The following PLCH1 variants were observed in gnomAD, a reference collection of about 807,000 sequenced individuals.
PLCH1 encodes the protein phospholipase C eta 1.
In PLCH1, 60 loss-of-function variants were observed where a neutral mutation model predicts 126.7. The ratio of observed to expected loss-of-function variants is 0.47; its 90% confidence interval spans 0.38 to 0.59. The LOEUF (loss-of-function observed/expected upper bound fraction) is 0.59, where lower values mean the gene tolerates loss of function less well. Ranked by LOEUF, PLCH1 falls within the 20% of genes least tolerant of loss-of-function variation. The probability of loss-of-function intolerance (pLI) is 0.00; values close to 1 mark genes in which losing one functional copy is unlikely to be tolerated. For missense variants in PLCH1, 1,723 were observed against 2,040.0 expected (o/e 0.84, Z 2.99); for synonymous variants, 719 against 734.9 (o/e 0.98, Z 0.35).
chr3:155,672,397 C>T (rs1362950396), intron 2 of PLCH1, among the ~76,000 whole-genome samples: 1 of 152,120 alleles, frequency 6.6e-6, no homozygotes, highest in African/African-American at 2.4e-5. Flanking sequence ...CTAAAGCACA[C>T]AACATTACAG....
chr3:155,578,097 C>T lies in PLCH1; in HGVS notation c.771+5375G>A, dbSNP rs574507157. 1.1e-4 allele frequency among the ~76,000 whole-genome samples: 16 copies of T among 152,248 alleles called. No individual in the cohort carries two copies. In the South Asian group the frequency reaches 2.9e-3, roughly 28 times the overall value. On this transcript the variant is annotated intron_variant, in intron 6 of 22. Transcript: ENST00000460012. Reference sequence around the variant, plus strand: ...TTGGACTCCTGGTCTAATGTTCTTTCCAGTACACTATGAGAGTTCTGCAAG... The same window carrying T: ...TTGGACTCCTGGTCTAATGTTCTTTTCAGTACACTATGAGAGTTCTGCAAG...
At chr3:155,637,039 A>C (rs1043938357) in intron 2 of PLCH1, among the ~76,000 whole-genome samples, 14 of 152,192 alleles carry the variant, frequency 9.2e-5, no homozygotes, top group African/African-American at 3.4e-4. Context: ...GAACAACAAC[A>C]AAACAGTCAT....
At chr3:155,529,035 T>C (rs1722319669) in intron 10 of PLCH1, among the ~76,000 whole-genome samples, 2 of 152,184 alleles carry the variant, frequency 1.3e-5, no homozygotes, top group African/African-American at 4.8e-5. Flanking sequence ...ATGGTGTTAC[T>C]CCAAAGGAAA....
At position 155,594,566 on chromosome 3, in the gene PLCH1, C is replaced by T. The variant is rs189606239; in HGVS notation, c.227-382G>A. 3.9e-5 allele frequency among the ~76,000 whole-genome samples: 6 copies of T among 152,140 alleles called. No homozygotes were observed. The East Asian group carries it at 1.2e-3, about 29-fold the overall frequency. Reference sequence around the variant, plus strand: ...ACAGCCTGGGTGACAGAGCAAGATTCCATCTCCAAAAAAAAATAAATAAGT... The same window carrying T: ...ACAGCCTGGGTGACAGAGCAAGATTTCATCTCCAAAAAAAAATAAATAAGT... On this transcript the variant is annotated intron_variant, in intron 3 of 22. Transcript: ENST00000460012.
intron 4 of PLCH1, 26 bp downstream of exon 4, chr3:155,593,915 T>C (rs1355461126): frequency 6.2e-7 from 1 of 1,610,764 alleles, no homozygotes; most frequent in Non-Finnish European, 8.5e-7. Flanking sequence ...AAGAGAGAGC[T>C]GAAAATAAAG....
At chr3:155,455,578 A>G (rs930067336) in intron 21 of PLCH1, among the ~76,000 whole-genome samples, 7 of 152,228 alleles carry the variant, frequency 4.6e-5, no homozygotes, top group African/African-American at 1.7e-4. Flanking sequence ...ATAACATGAA[A>G]GCATTTGAGA....
At chr3:155,608,642 A>G (rs545518237) in intron 2 of PLCH1, among the ~76,000 whole-genome samples, 1 of 152,108 alleles carries the variant, frequency 6.6e-6, no homozygotes, top group Non-Finnish European at 1.5e-5. Context: ...AGGCAGCCGT[A>G]ATTACTCTTG....
intron 21 of PLCH1, among the ~76,000 whole-genome samples, chr3:155,470,083 T>A (rs1011830645): frequency 1.6e-4 from 25 of 152,204 alleles, no homozygotes; most frequent in African/African-American, 6.0e-4. Context: ...GGAGAATGAC[T>A]TTGACGAGCT....
intron 2 of PLCH1, among the ~76,000 whole-genome samples, chr3:155,625,402 T>C (rs1325146324): frequency 6.6e-6 from 1 of 152,094 alleles, no homozygotes; most frequent in Non-Finnish European, 1.5e-5. Flanking sequence ...TGAGATCTAA[T>C]TAAACAAAAG....
chr3:155,688,021 T>C (rs1182629260), intron 2 of PLCH1, among the ~76,000 whole-genome samples: 1 of 152,352 alleles, frequency 6.6e-6, no homozygotes, highest in East Asian at 1.9e-4. Flanking sequence ...TGTTACATTA[T>C]TTGTAAAGTT....
intron 3 of PLCH1, among the ~76,000 whole-genome samples, chr3:155,594,718 T>A (rs1474120860): frequency 6.6e-6 from 1 of 152,126 alleles, no homozygotes; most frequent in Non-Finnish European, 1.5e-5. Context: ...CTTGACAACA[T>A]TCTCCTAAGG....
At position 155,722,233 on chromosome 3, in the gene PLCH1, G is replaced by A. The variant is rs539838815; in HGVS notation, c.-40-17969C>T. The stretch of plus-strand genomic sequence containing the variant: ...GGCTGGAGTGCAATGACGTGATCTC[G>A]GCTCACCGCAACCTCTGCCTCCCGG... On this transcript the variant is annotated intron_variant, in intron 1 of 22. Coordinates refer to ENST00000460012, the MANE Select transcript of PLCH1 (RefSeq NM_014996.4). Among the ~76,000 whole-genome samples, 385 of 151,668 alleles carry A rather than the reference G, an allele frequency of 2.5e-3. 3 individuals carry two copies. Among genetic ancestry groups the A allele is most frequent in the African/African-American group, 9.0e-3 (373 of 41,344 alleles).
chr3:155,527,174 T>C (rs1722063738), intron 10 of PLCH1, among the ~76,000 whole-genome samples: 1 of 152,214 alleles, frequency 6.6e-6, no homozygotes, highest in Non-Finnish European at 1.5e-5. Flanking sequence ...AAAGCAAACT[T>C]TGAGCTCCTC....
At position 155,482,245 on chromosome 3, in the gene PLCH1, GT is replaced by G; in HGVS notation, c.3780del (p.Lys1260AsnfsTer33). On this transcript the variant is annotated frameshift_variant, in exon 23 of 23. Coordinates refer to ENST00000460012, the MANE Select transcript of PLCH1 (RefSeq NM_014996.4). LOFTEE classifies it low-confidence loss of function (END_TRUNC). ...GTTTCATAAACTGTGTTCGTTGCAT[GT>G]TTGGTGGTCTCAGAACTCGAGAGTG... ...LIALSSSETTKHATNTVYETT... is the reference protein window; with the variant it reads ...LIALSSSETTXHATNTVYETT... 6.2e-7 allele frequency: 1 copy of G among 1,614,180 alleles called. No individual in the cohort carries two copies. The highest frequency in any genetic ancestry group is 8.5e-7 in the Non-Finnish European group (1 of 1,180,010).
chr3:155,700,951 A>G (rs1746227865), intron 2 of PLCH1, among the ~76,000 whole-genome samples: 2 of 152,216 alleles, frequency 1.3e-5, no homozygotes, highest in African/African-American at 4.8e-5. Context: ...AAGATCCCAG[A>G]GATTAGCTTC....
At chr3:155,678,536 A>C (rs925695713) in intron 2 of PLCH1, among the ~76,000 whole-genome samples, 1 of 152,210 alleles carries the variant, frequency 6.6e-6, no homozygotes, top group Admixed American at 6.5e-5. Flanking sequence ...CATTCAAAAG[A>C]ATCATAAAAC....
At chr3:155,519,275 G>A (rs974478870) in intron 11 of PLCH1, among the ~76,000 whole-genome samples, 1 of 152,118 alleles carries the variant, frequency 6.6e-6, no homozygotes, top group African/African-American at 2.4e-5. Flanking sequence ...TGGGCCAATG[G>A]GTGAGAAAGG....
chr3:155,651,470 G>C (rs1409556665), intron 2 of PLCH1, among the ~76,000 whole-genome samples: 2 of 152,146 alleles, frequency 1.3e-5, no homozygotes, highest in Non-Finnish European at 2.9e-5. Context: ...GGGGGTTGGA[G>C]GGGGTGGCGT....
chr3:155,698,463 G>A (rs1168256998), intron 2 of PLCH1, among the ~76,000 whole-genome samples: 1 of 152,140 alleles, frequency 6.6e-6, no homozygotes, highest in Non-Finnish European at 1.5e-5. Flanking sequence ...GGCCTGAATG[G>A]ATGGCTATGA....
Sources: gnomAD v4.1 joint callset for allele counts (sites outside exome capture counted in the v4.1 genomes callset) on GRCh38, gnomAD v4.1.1 for gene constraint, MANE v1.5 for transcripts, NCBI Gene and HGNC (gene_info 2026-07-23, HGNC 2026-07-21) for gene names.